Variants in MDFIC observed in about 807,000 individuals in gnomAD.
MDFIC encodes the protein myoD family inhibitor domain-containing protein.
A neutral mutation model predicts 23.2 loss-of-function variants in MDFIC; 17 were observed. The ratio of observed to expected loss-of-function variants is 0.73; its 90% confidence interval spans 0.50 to 1.10. The LOEUF (loss-of-function observed/expected upper bound fraction) is 1.10. Among genes scored for constraint, MDFIC ranks in the 50% least tolerant of loss-of-function variants. MDFIC has a pLI of 0.00. For synonymous variants in MDFIC, 120 were observed against 115.2 expected (o/e 1.04, Z -0.27); for missense variants, 356 against 316.6 (o/e 1.12, Z -0.95).
At chr7:114,922,674 T>TGATCCCCATCCCCGGGGTTC (rs1445364646) in intron 1 of MDFIC, 38 bp downstream of exon 1, 2 of 1,340,338 alleles carry the variant, frequency 1.5e-6, no homozygotes, top group East Asian at 3.1e-5. Context: ...AGGAGGGGTT[T>TGATCCCCATCCCCGGGGTTC]GATCCCCATC....
intron 2 of MDFIC, among the ~76,000 whole-genome samples, chr7:114,931,692 T>C (rs1185685513): frequency 6.6e-6 from 1 of 152,252 alleles, no homozygotes; most frequent in Non-Finnish European, 1.5e-5. Context: ...GGTATCATCC[T>C]GGAGCAGGAA....
chr7:115,014,554 T>C (rs771536195), intron 4 of MDFIC: 28 of 1,274,074 alleles, frequency 2.2e-5, no homozygotes, highest in Non-Finnish European at 2.7e-5. Context: ...GGGGTTGTTG[T>C]GTCTTATCGC....
intron 2 of MDFIC, among the ~76,000 whole-genome samples, chr7:114,936,440 A>T (rs1484116417): frequency 6.6e-6 from 1 of 152,160 alleles, no homozygotes; most frequent in African/African-American, 2.4e-5. Context: ...TTATTGGAAA[A>T]ATATCCCTCT....
chr7:114,944,416 T>C (rs770782636), intron 3 of MDFIC, among the ~76,000 whole-genome samples: 1 of 152,222 alleles, frequency 6.6e-6, no homozygotes. Flanking sequence ...ACTCCATTTT[T>C]GTTATTTTCC....
chr7:114,982,190 T>A (rs1793429151), intron 4 of MDFIC, among the ~76,000 whole-genome samples: 1 of 152,168 alleles, frequency 6.6e-6, no homozygotes, highest in African/African-American at 2.4e-5. Context: ...ATGTGCAGAA[T>A]GGGGCAGGGG....
At chr7:115,003,329 G>A (rs1791500688) in intron 4 of MDFIC, among the ~76,000 whole-genome samples, 1 of 152,150 alleles carries the variant, frequency 6.6e-6, no homozygotes, top group South Asian at 2.1e-4. Context: ...GCAAACTCCA[G>A]ATCATGGTCT....
intron 3 of MDFIC, among the ~76,000 whole-genome samples, chr7:114,969,055 T>C (rs182183786): frequency 6.6e-6 from 1 of 152,212 alleles, no homozygotes; most frequent in African/African-American, 2.4e-5. Flanking sequence ...AAATTTGACT[T>C]TGACTTTTCT....
chr7:114,922,277 C>A lies in MDFIC; in HGVS notation c.-467C>A, dbSNP rs369210354. Reference sequence around the variant, plus strand: ...CCAAGAGTTCGAGGCCTTCCCGATCCGGATGTGATGAAAAAGAGCAACAGA... The same window carrying A: ...CCAAGAGTTCGAGGCCTTCCCGATCAGGATGTGATGAAAAAGAGCAACAGA... On this transcript the variant is annotated 5_prime_UTR_variant, in exon 1 of 5. Transcript: ENST00000393486. 19 of 794,626 alleles carry A rather than the reference C, an allele frequency of 2.4e-5. No homozygotes were observed. The African/African-American group carries it at 2.5e-4, about 10-fold the overall frequency. 49.2% of individuals were successfully genotyped at this position (794,626 alleles called of 1,614,324 possible).
intron 4 of MDFIC, among the ~76,000 whole-genome samples, chr7:114,998,391 T>C (rs1196478811): frequency 6.6e-6 from 1 of 152,210 alleles, no homozygotes; most frequent in Non-Finnish European, 1.5e-5. Context: ...TTACTTTAGC[T>C]AAAATATTTT....
At chr7:114,946,159 GAACAGAAGC>G (rs1315155922) in intron 3 of MDFIC, among the ~76,000 whole-genome samples, 1 of 151,966 alleles carries the variant, frequency 6.6e-6, no homozygotes, top group African/African-American at 2.4e-5. Flanking sequence ...ACAAGAAAAG[GAACAGAAGC>G]AACAGAAGCA....
intron 3 of MDFIC, among the ~76,000 whole-genome samples, chr7:114,959,015 GTAAAAATATTTAAATGA>G (rs1392878247): frequency 1.3e-5 from 2 of 152,156 alleles, no homozygotes; most frequent in Non-Finnish European, 2.9e-5. Context: ...CAGTGTTAAA[GTAAAAATATTTAAATGA>G]TACAGTTCAC....
intron 4 of MDFIC, among the ~76,000 whole-genome samples, chr7:114,996,048 T>G (rs954135091): frequency 2.0e-5 from 3 of 152,186 alleles, no homozygotes; most frequent in African/African-American, 7.2e-5. Context: ...GACCAGATAA[T>G]TAGGTGCCTA....
At chr7:114,964,878 G>A (rs1403292518) in intron 3 of MDFIC, among the ~76,000 whole-genome samples, 1 of 152,174 alleles carries the variant, frequency 6.6e-6, no homozygotes, top group African/African-American at 2.4e-5. Context: ...TGTGGTCACT[G>A]TTCTCAGTGC....
chr7:115,015,832 A>G lies in MDFIC; in HGVS notation c.638A>G (p.Asn213Ser), dbSNP rs1378657850. 1 of 1,614,206 alleles carries G rather than the reference A, an allele frequency of 6.2e-7. No individual in the cohort carries two copies. Among genetic ancestry groups the G allele is most frequent in the African/African-American group, 1.3e-5 (1 of 75,050 alleles). The change falls in exon 5 of 5, where the codon AAC becomes AGC. Residue 213 changes from asparagine (N) to serine (S), a missense_variant. Asn to Ser is a conservative substitution (Grantham distance 46). Coordinates refer to ENST00000393486, the MANE Select transcript of MDFIC (RefSeq NM_001166345.3). ...GGTGACGAGATGGGGGATGATTGTA[A>G]CTGCCCTTGTGATATGGACTGTGGC... Reference protein sequence around the residue: ...CCGDEMGDDCNCPCDMDCGIM... With the variant: ...CCGDEMGDDCSCPCDMDCGIM...
At chr7:114,981,998 A>G (rs1793425346) in intron 4 of MDFIC, among the ~76,000 whole-genome samples, 1 of 152,258 alleles carries the variant, frequency 6.6e-6, no homozygotes, top group East Asian at 1.9e-4. Flanking sequence ...TTGCTGGGGT[A>G]CTTGAGTTTC....
chr7:114,960,267 G>T (rs1174869364), intron 3 of MDFIC, among the ~76,000 whole-genome samples: 3 of 152,174 alleles, frequency 2.0e-5, no homozygotes, highest in Non-Finnish European at 4.4e-5. Flanking sequence ...AGAATAACCA[G>T]CACTTGGTTA....
intron 4 of MDFIC, among the ~76,000 whole-genome samples, chr7:114,985,291 T>A (rs7786588): frequency 0.28 from 43,254 of 151,980 alleles, 6,359 homozygotes; most frequent in Middle Eastern, 0.36. Context: ...GTGTTCGATA[T>A]GTGTTAGCTG....
intron 4 of MDFIC, among the ~76,000 whole-genome samples, chr7:115,005,530 C>G (rs10268250): frequency 3.3e-5 from 5 of 152,032 alleles, no homozygotes; most frequent in African/African-American, 1.2e-4. Context: ...GTGGCTCAGA[C>G]GAAACACAGG....
chr7:114,969,331 A>C (rs1585107246), intron 3 of MDFIC, among the ~76,000 whole-genome samples: 1 of 152,238 alleles, frequency 6.6e-6, no homozygotes, highest in Non-Finnish European at 1.5e-5. Context: ...GGATCAAGTG[A>C]CAGCTTAAAA....
Sources: gnomAD v4.1 joint callset for allele counts (sites outside exome capture counted in the v4.1 genomes callset) on GRCh38, gnomAD v4.1.1 for gene constraint, MANE v1.5 for transcripts, NCBI Gene and HGNC (gene_info 2026-07-23, HGNC 2026-07-21) for gene names.